Variants in PPHLN1 observed in about 807,000 individuals in gnomAD.
PPHLN1 encodes periphilin-1.
A neutral mutation model predicts 51.3 loss-of-function variants in PPHLN1; 29 were observed. The ratio of observed to expected loss-of-function variants is 0.57; its 90% CI spans 0.42 to 0.77. The LOEUF is 0.77. Ranked by LOEUF, PPHLN1 falls within the 30% of genes least tolerant of loss-of-function variation. The pLI is 0.00. For missense variants in PPHLN1, 436 were observed against 438.4 expected (o/e 0.99, Z 0.05); for synonymous variants, 147 against 147.8 (o/e 0.99, Z 0.04).
chr12:42,384,857 C>A, intron 5 of PPHLN1, 83 bp from the exon 6 acceptor site: 1 of 1,339,830 alleles, frequency 7.5e-7, no homozygotes, highest in Non-Finnish European at 1.1e-6. Flanking sequence ...CTGTTCTCAT[C>A]ACTCCTACTT....
downstream of PPHLN1, chr12:42,448,358 ATTT>A (rs34304769): frequency 2.5e-4 from 33 of 131,588 alleles, no homozygotes; most frequent in East Asian, 4.4e-4. Context: ...AATCTATTTG[ATTT>A]TTTTTTTTTT....
chr12:42,406,011 G>A (rs762021410), intron 9 of PPHLN1, among the ~76,000 whole-genome samples: 5 of 151,422 alleles, frequency 3.3e-5, no homozygotes, highest in Admixed American at 2.0e-4. Context: ...CCAAGAATCC[G>A]TTCATCTCCC....
chr12:42,429,343 G>C (rs577842388), intron 9 of PPHLN1, among the ~76,000 whole-genome samples: 27 of 152,178 alleles, frequency 1.8e-4, no homozygotes, highest in African/African-American at 5.5e-4. Flanking sequence ...TCTACCATAA[G>C]TTATTTTAAG....
intron 9 of PPHLN1, chr12:42,433,058 G>T: frequency 1.1e-6 from 1 of 879,026 alleles, no homozygotes; most frequent in Non-Finnish European, 2.0e-6. Flanking sequence ...TTTAAAGACG[G>T]TATTTTTTTT....
chr12:42,398,684 C>T (rs1003596471), intron 8 of PPHLN1, 170 bp from the exon 9 acceptor site: 9 of 482,568 alleles, frequency 1.9e-5, no homozygotes, highest in Non-Finnish European at 2.7e-5. Flanking sequence ...CTTCTTTAAT[C>T]CATTTCACAT....
intron 9 of PPHLN1, among the ~76,000 whole-genome samples, chr12:42,435,578 T>C (rs2406970): frequency 0.2 from 30,174 of 152,134 alleles, 3,367 homozygotes; most frequent in African/African-American, 0.3. Context: ...TATCAATGTG[T>C]TATCGCTTTT....
intron 9 of PPHLN1, among the ~76,000 whole-genome samples, chr12:42,437,091 G>A (rs1275970671): frequency 6.6e-6 from 1 of 152,014 alleles, no homozygotes; most frequent in African/African-American, 2.4e-5. Flanking sequence ...ATTTCTACTT[G>A]TAGCTCTTTC....
In PPHLN1 at chr12:42,405,020, C is replaced by T. The variant is rs1478351183; in HGVS notation, c.909+6026C>T. On this transcript the variant is annotated intron_variant, in intron 9 of 9. Transcript: ENST00000358314. Reference sequence around the variant, plus strand: ...CTAGCCTGGGTGACAGAGTGAGACTCCGTCTAAAAAAATAAAAATAAAATA... The same window carrying T: ...CTAGCCTGGGTGACAGAGTGAGACTTCGTCTAAAAAAATAAAAATAAAATA... Among the ~76,000 whole-genome samples the T allele has an allele frequency of 2.0e-5, 3 of 152,256 alleles. No individual in the cohort carries two copies. The South Asian group carries it at 6.2e-4, about 32-fold the overall frequency.
chr12:42,333,457 CT>C (rs541620878), intron 1 of PPHLN1, among the ~76,000 whole-genome samples: 39 of 151,444 alleles, frequency 2.6e-4, no homozygotes, highest in East Asian at 7.7e-4. Context: ...ATTATACTTC[CT>C]TTTTTTTATT....
At chr12:42,405,383 T>C (rs777597302) in intron 9 of PPHLN1, among the ~76,000 whole-genome samples, 2 of 152,192 alleles carry the variant, frequency 1.3e-5, no homozygotes, top group Non-Finnish European at 2.9e-5. Context: ...AATTACAGTG[T>C]GAGTTAATTG....
chr12:42,387,598 C>T, intron 7 of PPHLN1, 63 bp downstream of exon 7: 1 of 1,546,276 alleles, frequency 6.5e-7, no homozygotes, highest in Non-Finnish European at 8.7e-7. Context: ...CTGACTAGTA[C>T]AGATGCTTTT....
intron 4 of PPHLN1, among the ~76,000 whole-genome samples, chr12:42,372,031 C>T (rs1040995283): frequency 3.3e-5 from 5 of 152,058 alleles, no homozygotes; most frequent in African/African-American, 9.7e-5. Context: ...TCCTCACCCC[C>T]TCTCACCCTA....
In PPHLN1 at chr12:42,340,983, CTTTT is replaced by C. The variant is rs552090682; in HGVS notation, c.72+5021_72+5024del. On this transcript the variant is annotated intron_variant, in intron 2 of 9. Coordinates refer to ENST00000358314, the MANE Select transcript of PPHLN1 (RefSeq NM_201439.2). ...TCTCCCTTTTTTTCTTTCTTTCTTT[CTTTT>C]TTTTTTTTTTTGAGATGGAGTTTTG... Among the ~76,000 whole-genome samples the C allele has an allele frequency of 5.7e-3, 751 of 131,078 alleles. 1 individual carries two copies. Among genetic ancestry groups the C allele is most frequent in the Admixed American group, 9.2e-3 (121 of 13,188 alleles). The allele number at this position is 131,078 out of a possible 152,430, so 86.0% of individuals were successfully genotyped here.
downstream of PPHLN1, chr12:42,445,212 G>C: frequency 2.9e-6 from 2 of 679,334 alleles, no homozygotes; most frequent in Admixed American, 2.1e-5. Flanking sequence ...TGATCAAGCA[G>C]ACCTGCAGGT....
At position 42,360,110 on chromosome 12, in the gene PPHLN1, C is replaced by CAAAAAA. The variant is rs10643805; in HGVS notation, c.299+4896_299+4901dup. ...TGGGTGACAGAGCAAGACTCCATCT[C>CAAAAAA]AAAAAAAAAAAAAGAAAAATTGCAA... On this transcript the variant is annotated intron_variant, in intron 4 of 9. Coordinates refer to ENST00000358314, the MANE Select transcript of PPHLN1 (RefSeq NM_201439.2). 1.3e-3 allele frequency among the ~76,000 whole-genome samples: 164 copies of CAAAAAA among 123,064 alleles called. 5 individuals are homozygous for CAAAAAA. The highest frequency in any genetic ancestry group is 3.8e-3 in the Middle Eastern group (1 of 260). 80.7% of individuals were successfully genotyped at this position (123,064 alleles called of 152,430 possible).
At chr12:42,340,072 C>T (rs1284113307) in intron 2 of PPHLN1, among the ~76,000 whole-genome samples, 1 of 151,940 alleles carries the variant, frequency 6.6e-6, no homozygotes, top group African/African-American at 2.4e-5. Context: ...TTTGGGAGTC[C>T]GAGGTAGGAG....
At chr12:42,407,332 T>C (rs1281937711) in intron 9 of PPHLN1, among the ~76,000 whole-genome samples, 2 of 152,218 alleles carry the variant, frequency 1.3e-5, no homozygotes, top group African/African-American at 4.8e-5. Flanking sequence ...GTAGATTGAC[T>C]TCTGTGCTCA....
chr12:42,442,478 G>C (rs192690217), downstream of PPHLN1, among the ~76,000 whole-genome samples: 26 of 152,308 alleles, frequency 1.7e-4, no homozygotes, highest in Non-Finnish European at 3.8e-4. Context: ...AATTGTGTTG[G>C]CTTCAGGCCT....
chr12:42,376,680 A>G (rs1592535383), intron 5 of PPHLN1, among the ~76,000 whole-genome samples: 1 of 152,094 alleles, frequency 6.6e-6, no homozygotes, highest in African/African-American at 2.4e-5. Context: ...ATTTTCAGCT[A>G]CTCAGAAGGC....
Sources: gnomAD v4.1 joint callset for allele counts (sites outside exome capture counted in the v4.1 genomes callset) on GRCh38, gnomAD v4.1.1 for gene constraint, MANE v1.5 for transcripts, NCBI Gene and HGNC (gene_info 2026-07-23, HGNC 2026-07-21) for gene names.